Variants in DNAJC3 observed in about 807,000 individuals in gnomAD.
DNAJC3 encodes the protein DnaJ heat shock protein family (Hsp40) member C3.
A neutral mutation model predicts 68.6 loss-of-function variants in DNAJC3; 38 were observed. The ratio of observed to expected loss-of-function variants is 0.55; its 90% CI spans 0.43 to 0.73. The LOEUF (loss-of-function observed/expected upper bound fraction) is 0.73, where lower values mean the gene tolerates loss of function less well. DNAJC3 is among the 30% of genes least tolerant of loss of function. The pLI is 0.00. For missense variants in DNAJC3, 526 were observed against 591.9 expected, an observed-to-expected ratio of 0.89 and a Z score of 1.16; for synonymous variants, 203 against 204.0, an observed-to-expected ratio of 1.00 and a Z score of 0.04.
chr13:95,703,829 C>CTT (rs370721861), intron 1 of DNAJC3, among the ~76,000 whole-genome samples: 4 of 143,336 alleles, frequency 2.8e-5, no homozygotes, highest in African/African-American at 7.6e-5. Flanking sequence ...GTTACTCTGG[C>CTT]TTTTTTTTTT....
chr13:95,680,409 T>A (rs1176102188), intron 1 of DNAJC3, among the ~76,000 whole-genome samples: 1 of 152,210 alleles, frequency 6.6e-6, no homozygotes, highest in Non-Finnish European at 1.5e-5. Context: ...TGATAAGTTT[T>A]ATTTGAACCT....
intron 1 of DNAJC3, among the ~76,000 whole-genome samples, chr13:95,678,747 A>G (rs1171148205): frequency 1.3e-5 from 2 of 152,118 alleles, no homozygotes; most frequent in African/African-American, 4.8e-5. Context: ...TTTAAGTTAC[A>G]GAGATGCACA....
intron 2 of DNAJC3, among the ~76,000 whole-genome samples, chr13:95,716,514 C>T (rs980430280): frequency 2.6e-5 from 4 of 152,136 alleles, no homozygotes; most frequent in African/African-American, 4.8e-5. Flanking sequence ...AGTTCTTGCT[C>T]GGTTGTACTG....
chr13:95,749,744 G>A (rs1231927207), intron 4 of DNAJC3, among the ~76,000 whole-genome samples: 10 of 151,600 alleles, frequency 6.6e-5, no homozygotes, highest in Non-Finnish European at 1.3e-4. Flanking sequence ...AGCATAAAGT[G>A]CTATCTTTAA....
At chr13:95,790,085 G>A (rs1883720350) in intron 11 of DNAJC3, among the ~76,000 whole-genome samples, 1 of 152,080 alleles carries the variant, frequency 6.6e-6, no homozygotes, top group Non-Finnish European at 1.5e-5. Flanking sequence ...AGTTTCTTTT[G>A]CTGTGTAGAA....
In DNAJC3 at chr13:95,749,923, G is replaced by A. The variant is rs570101267; in HGVS notation, c.394-7721G>A. Reference sequence around the variant, plus strand: ...AAATTAGCTGGGCGTGGTGGCCCATGCCTGTAGTCCCAGCTACTCGGGAGG... The same window carrying A: ...AAATTAGCTGGGCGTGGTGGCCCATACCTGTAGTCCCAGCTACTCGGGAGG... On this transcript the variant is annotated intron_variant, in intron 4 of 11. Coordinates refer to ENST00000602402, the MANE Select transcript of DNAJC3 (RefSeq NM_006260.5). Among the ~76,000 whole-genome samples the A allele has an allele frequency of 3.3e-5, 5 of 152,290 alleles. No individual in the cohort carries two copies. The South Asian group carries it at 8.3e-4, about 25-fold the overall frequency.
At chr13:95,754,996 T>C (rs1882608054) in intron 4 of DNAJC3, among the ~76,000 whole-genome samples, 1 of 151,048 alleles carries the variant, frequency 6.6e-6, no homozygotes, top group African/African-American at 2.4e-5. Flanking sequence ...GCAGAAAGAG[T>C]CAGAAATGTG....
At chr13:95,685,997 T>G (rs1450735181) in intron 1 of DNAJC3, among the ~76,000 whole-genome samples, 2 of 151,806 alleles carry the variant, frequency 1.3e-5, no homozygotes, top group African/African-American at 4.8e-5. Flanking sequence ...AGTCTTGCTC[T>G]GTCGCCCAGG....
chr13:95,702,801 T>C (rs1880619314), intron 1 of DNAJC3, among the ~76,000 whole-genome samples: 1 of 152,192 alleles, frequency 6.6e-6, no homozygotes, highest in Admixed American at 6.5e-5. Context: ...TCTAAGAAGA[T>C]ACAGCTATCC....
In DNAJC3 at chr13:95,793,176, A is replaced by G. The variant is rs889514289; in HGVS notation, c.*2146A>G. ...TTGCCTGTTTTCAGTGAAGAGAGAG[A>G]AGCAGCTCTGGTGCCACATGCCAGT... On this transcript the variant is annotated 3_prime_UTR_variant, in exon 12 of 12. Transcript: ENST00000602402. 1.3e-5 allele frequency: 2 copies of G among 152,220 alleles called. No individual in the cohort carries two copies. The highest frequency in any genetic ancestry group is 4.8e-5 in the African/African-American group (2 of 41,450). 9.4% of individuals were successfully genotyped at this position (152,220 alleles called of 1,614,324 possible). A position where few individuals can be genotyped will look rare whatever the true frequency, so the allele number is the denominator to read the frequency against.
In DNAJC3 at chr13:95,711,493, A is replaced by G. The variant is rs563584221; in HGVS notation, c.193+2156A>G. On this transcript the variant is annotated intron_variant, in intron 2 of 11. Transcript: ENST00000602402. ...AGCCTGGGTGGCAGAGTGAGACTCC[A>G]TCTCAAAATTAAAAAAACAGAAAAC... Among the ~76,000 whole-genome samples the G allele has an allele frequency of 4.9e-4, 72 of 147,006 alleles. 2 individuals carry two copies. The South Asian group carries it at 7.4e-3, about 15-fold the overall frequency.
chr13:95,739,048 G>T (rs1014249541), intron 4 of DNAJC3, among the ~76,000 whole-genome samples: 1 of 152,148 alleles, frequency 6.6e-6, no homozygotes, highest in South Asian at 2.1e-4. Context: ...GCATTTGCTT[G>T]TCTGTAAAGG....
At position 95,760,627 on chromosome 13, in the gene DNAJC3, C is replaced by T. The variant is rs1882793658; in HGVS notation, c.729-52C>T. On this transcript the variant is annotated intron_variant, in intron 6 of 11. Transcript: ENST00000602402. ...TTATTGTGATTTCTGTGGAAAACTA[C>T]TCATTGATTGTTTTGACATGGAGTA... The T allele has an allele frequency of 2.6e-6, 4 of 1,553,290 alleles. No individual in the cohort carries two copies. The South Asian group carries it at 4.9e-5, about 19-fold the overall frequency.
At chr13:95,692,665 G>GTGTATTAATAGAAAATA (rs1593955283) in intron 1 of DNAJC3, 3 of 151,954 alleles carry the variant, frequency 2.0e-5, no homozygotes, top group East Asian at 3.9e-4. Flanking sequence ...ACACTGTTTA[G>GTGTATTAATAGAAAATA]GTGCTATTAC....
At chr13:95,723,169 C>T in intron 2 of DNAJC3, 73 bp from the exon 3 acceptor site, 1 of 1,386,788 alleles carries the variant, frequency 7.2e-7, no homozygotes, top group Non-Finnish European at 9.8e-7. Context: ...TGATACTGTC[C>T]AGGTGATTTG....
In DNAJC3 at chr13:95,787,009, A is replaced by G; in HGVS notation, c.1211A>G (p.Asn404Ser). Reference protein sequence around the residue: ...DYYKILGVKRNAKKQEIIKAY... With the variant: ...DYYKILGVKRSAKKQEIIKAY... ...TTATTTATTTTACCACCCCTCAGAA[A>G]TGCCAAAAAGCAAGAAATTATTAAA... The change falls in exon 11 of 12, where the codon AAT (asparagine) becomes AGT (serine). Residue 404 changes from asparagine to serine, a missense_variant and splice_region_variant. Coordinates refer to ENST00000602402, the MANE Select transcript of DNAJC3 (RefSeq NM_006260.5). 1 of 1,606,132 alleles carries G rather than the reference A, an allele frequency of 6.2e-7. No homozygotes were observed. The highest frequency in any genetic ancestry group is 8.5e-7 in the Non-Finnish European group (1 of 1,177,940).
chr13:95,704,185 C>T (rs1310983703), intron 1 of DNAJC3, among the ~76,000 whole-genome samples: 1 of 152,146 alleles, frequency 6.6e-6, no homozygotes, highest in Non-Finnish European at 1.5e-5. Flanking sequence ...AAGCATTTCT[C>T]CTTTAAGGAC....
At chr13:95,775,415 C>T (rs911279905) in intron 9 of DNAJC3, among the ~76,000 whole-genome samples, 2 of 152,158 alleles carry the variant, frequency 1.3e-5, no homozygotes, top group Admixed American at 1.3e-4. Flanking sequence ...TTTGTTCTTT[C>T]TCACCTTCAG....
chr13:95,784,357 G>C (rs1883535020), intron 9 of DNAJC3, among the ~76,000 whole-genome samples: 1 of 152,120 alleles, frequency 6.6e-6, no homozygotes, highest in South Asian at 2.1e-4. Flanking sequence ...AGCAAAGTCA[G>C]CACAGGGAAA....
Sources: allele counts gnomAD v4.1 joint callset (sites outside exome capture counted in the v4.1 genomes callset), GRCh38; gene constraint gnomAD v4.1.1; transcripts MANE v1.5; gene names NCBI Gene and HGNC (gene_info 2026-07-23, HGNC 2026-07-21).